The following MICU2 variants were observed in gnomAD, a reference collection of about 807,000 sequenced individuals.
MICU2 encodes the protein mitochondrial calcium uptake 2.
MICU2 carries 64 observed loss-of-function variants against 60.4 expected under a neutral mutation model. That is an observed-to-expected ratio of 1.06 (90% confidence interval 0.87 to 1.31). MICU2 has a LOEUF of 1.31. MICU2 is among the 50% of genes most tolerant of loss of function. The pLI, the probability that MICU2 is intolerant of heterozygous loss-of-function variation, is 0.00. For missense variants in MICU2, 569 were observed against 531.0 expected (o/e 1.07, Z -0.70); for synonymous variants, 201 against 175.0 (o/e 1.15, Z -1.17).
intron 4 of MICU2, among the ~76,000 whole-genome samples, chr13:21,539,034 C>T (rs971059260): frequency 2.3e-5 from 3 of 131,180 alleles, no homozygotes; most frequent in East Asian, 4.4e-4. Context: ...CCGTCCACTC[C>T]CCTAAGTGGT....
chr13:21,563,808 A>C (rs978518242), intron 2 of MICU2, among the ~76,000 whole-genome samples: 2 of 133,434 alleles, frequency 1.5e-5, no homozygotes, highest in Non-Finnish European at 3.4e-5. Flanking sequence ...GGGCCCAACA[A>C]ACACATTTTT....
intron 2 of MICU2, among the ~76,000 whole-genome samples, chr13:21,560,721 G>A (rs1373220983): frequency 6.6e-6 from 1 of 152,028 alleles, no homozygotes; most frequent in African/African-American, 2.4e-5. Flanking sequence ...TATAGATTAG[G>A]GGTTACAAAC....
intron 2 of MICU2, among the ~76,000 whole-genome samples, chr13:21,549,997 T>C (rs1032019524): frequency 3.9e-5 from 6 of 152,146 alleles, no homozygotes; most frequent in Non-Finnish European, 8.8e-5. Flanking sequence ...GTCTAACAGG[T>C]GGTAGAATAG....
chr13:21,504,763 G>T (rs1028601577), intron 8 of MICU2, among the ~76,000 whole-genome samples: 1 of 152,184 alleles, frequency 6.6e-6, no homozygotes, highest in African/African-American at 2.4e-5. Flanking sequence ...CGTACAGGCT[G>T]TGAGTCTATC....
intron 1 of MICU2, among the ~76,000 whole-genome samples, chr13:21,591,087 G>A (rs907822106): frequency 1.3e-5 from 2 of 151,876 alleles, no homozygotes; most frequent in Non-Finnish European, 2.9e-5. Flanking sequence ...GACACAGACT[G>A]GCAAATTGAA....
intron 4 of MICU2, among the ~76,000 whole-genome samples, chr13:21,531,998 A>G (rs888228244): frequency 2.0e-5 from 3 of 152,174 alleles, no homozygotes; most frequent in Non-Finnish European, 4.4e-5. Context: ...ATGTGACAAC[A>G]ATCTAACAGG....
At chr13:21,577,686 T>C (rs776722797) in intron 1 of MICU2, among the ~76,000 whole-genome samples, 2 of 150,938 alleles carry the variant, frequency 1.3e-5, no homozygotes, top group Non-Finnish European at 2.9e-5. Context: ...GCACCTGTAA[T>C]CCCAGCTACT....
intron 1 of MICU2, among the ~76,000 whole-genome samples, chr13:21,593,084 T>C (rs1364015135): frequency 6.6e-6 from 1 of 152,198 alleles, no homozygotes; most frequent in African/African-American, 2.4e-5. Flanking sequence ...GTTGTCTCTG[T>C]TTGCAGACAA....
At chr13:21,602,324 C>T (rs959669656) in intron 1 of MICU2, among the ~76,000 whole-genome samples, 3 of 152,008 alleles carry the variant, frequency 2.0e-5, no homozygotes, top group Non-Finnish European at 4.4e-5. Context: ...AGATCGAGAC[C>T]ATCCTGGCTA....
intron 4 of MICU2, among the ~76,000 whole-genome samples, chr13:21,537,081 G>C (rs965278249): frequency 6.6e-6 from 1 of 152,142 alleles, no homozygotes; most frequent in Non-Finnish European, 1.5e-5. Flanking sequence ...TATTCCTGGA[G>C]TTTATCATGA....
At chr13:21,521,124 A>C in intron 6 of MICU2, 121 bp downstream of exon 6, 1 of 799,384 alleles carries the variant, frequency 1.3e-6, no homozygotes, top group Non-Finnish European at 2.0e-6. Flanking sequence ...ATGTCCAAAT[A>C]ATTTCCTGAT....
chr13:21,539,301 C>A lies in MICU2; in HGVS notation c.466+1G>T. The A allele has an allele frequency of 6.2e-7, 1 of 1,613,054 alleles. No individual in the cohort carries two copies. On this transcript the variant is annotated splice_donor_variant, in intron 4 of 11. Transcript: ENST00000382374. LOFTEE classifies it high-confidence loss of function. ...GAAATTTAACAACAAACCAAAATTA[C>A]CTTTATCGCCAAGGTCTCTGAAAAA...
intron 4 of MICU2, among the ~76,000 whole-genome samples, chr13:21,532,127 T>C (rs1422967251): frequency 2.0e-5 from 3 of 152,224 alleles, no homozygotes; most frequent in East Asian, 1.9e-4. Flanking sequence ...AAGAGAACAC[T>C]GATCTCAATT....
At chr13:21,573,971 A>G (rs374863258) in intron 1 of MICU2, among the ~76,000 whole-genome samples, 1 of 152,198 alleles carries the variant, frequency 6.6e-6, no homozygotes, top group East Asian at 1.9e-4. Flanking sequence ...ATTAATCTTA[A>G]CCTTCATTTG....
At position 21,510,044 on chromosome 13, in the gene MICU2, T is replaced by C; in HGVS notation, c.721A>G (p.Lys241Glu). The change falls in exon 8 of 12, where the codon AAA (lysine) becomes GAA (glutamate). Residue 241 changes from lysine (K) to glutamate (E), a missense_variant. Lys to Glu is a moderately conservative substitution (Grantham distance 56). Coordinates refer to ENST00000382374, the MANE Select transcript of MICU2 (RefSeq NM_152726.3). Reference protein sequence around the residue: ...NTTLQMRFFGKRGQRKLHYKE... With the variant: ...NTTLQMRFFGERGQRKLHYKE... ...TAATGAAGTTTTCTTTGTCCTCTTT[T>C]TCCAAAGAAACGCATCTGAAGAGTT... The C allele has an allele frequency of 6.5e-7, 1 of 1,545,086 alleles. No individual in the cohort carries two copies. The highest frequency in any genetic ancestry group is 8.7e-7 in the Non-Finnish European group (1 of 1,152,280).
At chr13:21,505,872 CACTT>C (rs1455268009) in intron 8 of MICU2, among the ~76,000 whole-genome samples, 4 of 152,158 alleles carry the variant, frequency 2.6e-5, no homozygotes, top group Non-Finnish European at 5.9e-5. Context: ...AAAGAGAAGA[CACTT>C]ACCTCACCTT....
At chr13:21,535,999 CTAACCA>C (rs1225140011) in intron 4 of MICU2, among the ~76,000 whole-genome samples, 5 of 152,138 alleles carry the variant, frequency 3.3e-5, no homozygotes, top group Non-Finnish European at 7.3e-5. Context: ...CTTTTGTTCA[CTAACCA>C]TATACTACAT....
chr13:21,496,479 G>GAGGT (rs1886000060), intron 9 of MICU2: 1 of 290,292 alleles, frequency 3.4e-6, no homozygotes, highest in Non-Finnish European at 6.5e-6. Flanking sequence ...GTGGTGTTTT[G>GAGGT]AGGCGGCAGC....
At chr13:21,500,551 A>T (rs368102365) in intron 9 of MICU2, among the ~76,000 whole-genome samples, 40 of 150,844 alleles carry the variant, frequency 2.7e-4, no homozygotes, top group African/African-American at 9.5e-4. Flanking sequence ...AGTAGCTGGG[A>T]CTACAGGTGT....
Sources: allele counts gnomAD v4.1 joint callset (sites outside exome capture counted in the v4.1 genomes callset), GRCh38; gene constraint gnomAD v4.1.1; transcripts MANE v1.5; gene names NCBI Gene and HGNC (gene_info 2026-07-23, HGNC 2026-07-21).